Variants in FGFR1OP2 observed in about 807,000 individuals in gnomAD.
FGFR1OP2 encodes FGFR1 oncogene partner 2, also known as fibroblast growth factor receptor 1 oncogene partner 2.
A neutral mutation model predicts 35.2 loss-of-function variants in FGFR1OP2; 17 were observed. The observed-to-expected ratio is 0.48, with a 90% CI of 0.33 to 0.73. FGFR1OP2 has a LOEUF of 0.73. FGFR1OP2 is among the 30% of genes least tolerant of loss of function. The probability of loss-of-function intolerance (pLI) is 0.02; values close to 1 mark genes in which losing one functional copy is unlikely to be tolerated. For synonymous variants in FGFR1OP2, 105 were observed against 104.6 expected, an observed-to-expected ratio of 1.00 and a Z score of -0.03; for missense variants, 251 against 307.3, an observed-to-expected ratio of 0.82 and a Z score of 1.37.
intron 5 of FGFR1OP2, 126 bp downstream of exon 5, chr12:26,960,754 T>C: frequency 7.2e-7 from 1 of 1,390,680 alleles, no homozygotes; most frequent in Non-Finnish European, 9.5e-7. Context: ...TAAAAGAATG[T>C]TGTGTCTTTA....
intron 2 of FGFR1OP2, among the ~76,000 whole-genome samples, chr12:26,954,574 C>G (rs1381131099): frequency 2.0e-5 from 3 of 152,110 alleles, no homozygotes; most frequent in Non-Finnish European, 1.5e-5. Context: ...TTGACAAAGA[C>G]CAGATAATAC....
chr12:26,963,870 A>G (rs767593571), intron 6 of FGFR1OP2, among the ~76,000 whole-genome samples: 10 of 152,134 alleles, frequency 6.6e-5, no homozygotes, highest in Non-Finnish European at 1.3e-4. Flanking sequence ...TATGACAGTG[A>G]AAGTACCAGT....
intron 1 of FGFR1OP2, among the ~76,000 whole-genome samples, chr12:26,941,823 G>A (rs1831985486): frequency 6.6e-6 from 1 of 152,072 alleles, no homozygotes; most frequent in Non-Finnish European, 1.5e-5. Flanking sequence ...TATCTTGGAT[G>A]TTCCATGTGT....
intron 1 of FGFR1OP2, among the ~76,000 whole-genome samples, chr12:26,939,127 C>G (rs1307899095): frequency 1.3e-5 from 2 of 152,140 alleles, no homozygotes; most frequent in Non-Finnish European, 2.9e-5. Context: ...TCCTGCCTTT[C>G]TTCTCTATCC....
rs145289157 is a variant in FGFR1OP2, at chr12:26,955,070, A to T, written c.135+777A>T. 8.1e-4 allele frequency among the ~76,000 whole-genome samples: 123 copies of T among 152,322 alleles called. 2 individuals are homozygous for T. In the East Asian group the frequency reaches 0.021, roughly 26 times the overall value. Reference sequence around the variant, plus strand: ...AGCAAGTTTAGTTATTTGGTTTTACAACTGTGTTGCCCTAAACAGATTTAC... The same window carrying T: ...AGCAAGTTTAGTTATTTGGTTTTACTACTGTGTTGCCCTAAACAGATTTAC... On this transcript the variant is annotated intron_variant, in intron 2 of 6. Coordinates refer to ENST00000229395, the MANE Select transcript of FGFR1OP2 (RefSeq NM_015633.3).
intron 6 of FGFR1OP2, among the ~76,000 whole-genome samples, chr12:26,963,862 T>C (rs944219521): frequency 2.0e-5 from 3 of 152,152 alleles, no homozygotes; most frequent in African/African-American, 7.2e-5. Context: ...CTTTATTTTA[T>C]GACAGTGAAA....
chr12:26,960,330 A>G (rs1385924912), intron 4 of FGFR1OP2, among the ~76,000 whole-genome samples, 185 bp from the exon 5 acceptor site: 1 of 152,136 alleles, frequency 6.6e-6, no homozygotes, highest in African/African-American at 2.4e-5. Flanking sequence ...AAATCAGTAG[A>G]AAGTTTGAGA....
At chr12:26,942,017 T>C (rs947865407) in intron 1 of FGFR1OP2, among the ~76,000 whole-genome samples, 6 of 152,184 alleles carry the variant, frequency 3.9e-5, no homozygotes, top group Non-Finnish European at 8.8e-5. Flanking sequence ...TTTGTGGTGC[T>C]GTCATTCAGC....
rs565956107 is a variant in FGFR1OP2, at chr12:26,941,798, G to T, written c.-15+3088G>T. On this transcript the variant is annotated intron_variant, in intron 1 of 6. Transcript: ENST00000229395. The stretch of plus-strand genomic sequence containing the variant: ...CCCATTTCTTTTCTATGGCTGGCTT[G>T]AAAATTTTAAAAAATATCTTGGATG... 1.2e-4 allele frequency among the ~76,000 whole-genome samples: 19 copies of T among 152,222 alleles called. No individual in the cohort carries two copies. In the South Asian group the frequency reaches 2.9e-3, roughly 23 times the overall value.
At chr12:26,951,704 A>G (rs1938931352) in intron 1 of FGFR1OP2, among the ~76,000 whole-genome samples, 1 of 152,208 alleles carries the variant, frequency 6.6e-6, no homozygotes, top group South Asian at 2.1e-4. Context: ...TTTGTACTCA[A>G]AAAGATTTAT....
At chr12:26,959,756 A>G (rs144514584) in intron 4 of FGFR1OP2, among the ~76,000 whole-genome samples, 1 of 152,320 alleles carries the variant, frequency 6.6e-6, no homozygotes, top group Non-Finnish European at 1.5e-5. Flanking sequence ...ACTAATACAT[A>G]TTAATGTTTG....
chr12:26,950,210 G>GTTTTT lies in FGFR1OP2; in HGVS notation c.-14-3933_-14-3932insTTTTT, dbSNP rs1555211390. Among the ~76,000 whole-genome samples the GTTTTT allele has an allele frequency of 5.0e-4, 15 of 29,742 alleles. 1 individual carries two copies. The East Asian group carries it at 0.012, about 24-fold the overall frequency. The allele number at this position is 29,742 out of a possible 152,430, so 19.5% of individuals were successfully genotyped here. On this transcript the variant is annotated intron_variant, in intron 1 of 6. Coordinates refer to ENST00000229395, the MANE Select transcript of FGFR1OP2 (RefSeq NM_015633.3). Reference sequence around the variant, plus strand: ...AAGCCATCAAGTAGTTAATGTATTCGTTGTTTTTTTTTTTTTTTTTTTTTT... The same window carrying GTTTTT: ...AAGCCATCAAGTAGTTAATGTATTCGTTTTTTTGTTTTTTTTTTTTTTTTTTTTTT...
At chr12:26,953,254 C>T (rs1453697098) in intron 1 of FGFR1OP2, among the ~76,000 whole-genome samples, 5 of 112,416 alleles carry the variant, frequency 4.4e-5, no homozygotes, top group Middle Eastern at 7.6e-3. Flanking sequence ...GGCGACAGAG[C>T]GAGACTGTGT....
intron 5 of FGFR1OP2, chr12:26,960,880 T>G (rs1314298571): frequency 3.5e-6 from 1 of 289,612 alleles, no homozygotes; most frequent in African/African-American, 2.2e-5. Flanking sequence ...TCCAACGCTT[T>G]ATTTATTTGC....
chr12:26,951,591 A>G (rs765322159), intron 1 of FGFR1OP2, among the ~76,000 whole-genome samples: 12 of 152,136 alleles, frequency 7.9e-5, no homozygotes, highest in Admixed American at 3.3e-4. Flanking sequence ...AAGTGCTGGG[A>G]TTACAGGTGT....
At chr12:26,956,691 C>G (rs759519109) in intron 3 of FGFR1OP2, 31 bp downstream of exon 3, 2 of 1,297,866 alleles carry the variant, frequency 1.5e-6, no homozygotes, top group Non-Finnish European at 2.2e-6. Context: ...ACATTAATCC[C>G]ATTTCTAGTC....
At chr12:26,963,643 A>T (rs1939134935) in intron 6 of FGFR1OP2, among the ~76,000 whole-genome samples, 188 bp downstream of exon 6, 1 of 152,194 alleles carries the variant, frequency 6.6e-6, no homozygotes, top group Non-Finnish European at 1.5e-5. Context: ...ATTATTAGTA[A>T]CTTACAATAT....
chr12:26,939,962 C>T (rs1160650052), intron 1 of FGFR1OP2, among the ~76,000 whole-genome samples: 1 of 152,186 alleles, frequency 6.6e-6, no homozygotes, highest in African/African-American at 2.4e-5. Flanking sequence ...ATGAGAAACC[C>T]TGTACTTCTA....
chr12:26,939,853 A>G lies in FGFR1OP2; in HGVS notation c.-15+1143A>G, dbSNP rs149060863. On this transcript the variant is annotated intron_variant, in intron 1 of 6. Coordinates refer to ENST00000229395, the MANE Select transcript of FGFR1OP2 (RefSeq NM_015633.3). ...TGTTTATTGAAATGGAATAGTTCTA[A>G]GGAATTCACCGTAAGAGTTCTTCAT... Among the ~76,000 whole-genome samples, 155 of 152,352 alleles carry G rather than the reference A, an allele frequency of 1.0e-3. 1 individual carries two copies. Among genetic ancestry groups the G allele is most frequent in the Non-Finnish European group, 1.7e-3 (115 of 68,032 alleles).
Sources: gnomAD v4.1 joint callset for allele counts (sites outside exome capture counted in the v4.1 genomes callset) on GRCh38, gnomAD v4.1.1 for gene constraint, MANE v1.5 for transcripts, NCBI Gene and HGNC (gene_info 2026-07-23, HGNC 2026-07-21) for gene names.